Variants in PROKR2 observed in about 807,000 individuals in gnomAD.
PROKR2 encodes prokineticin receptor 2.
Under a neutral mutation model 23.4 loss-of-function variants are expected in PROKR2, and 26 were observed. That is an observed-to-expected ratio of 1.11 (90% confidence interval 0.81 to 1.54). PROKR2 has a LOEUF of 1.54. Among genes scored for constraint, PROKR2 ranks in the 40% most tolerant of loss-of-function variants. The probability of loss-of-function intolerance (pLI) is 0.00; values close to 1 mark genes in which losing one functional copy is unlikely to be tolerated. For missense variants in PROKR2, 453 were observed against 511.5 expected (o/e 0.89, Z 1.10); for synonymous variants, 212 against 201.2 (o/e 1.05, Z -0.45).
chr20:5,309,716 C>A (rs1036913501), intron 2 of PROKR2, among the ~76,000 whole-genome samples: 3 of 152,234 alleles, frequency 2.0e-5, no homozygotes, highest in Admixed American at 1.3e-4. Flanking sequence ...GCCTCCCATA[C>A]TGAATCCAAA....
rs1979541928 is a variant in PROKR2, at chr20:5,313,945, G to A, written c.425C>T (p.Ser142Phe). Residue 142 changes from serine (S) to phenylalanine (F), a missense_variant, in exon 2 of 3, where the codon TCC becomes TTC. Physicochemically the swap from Ser to Phe is radical, Grantham distance 155. Coordinates refer to ENST00000678254, the MANE Select transcript of PROKR2 (RefSeq NM_144773.4). ...NYLRTVSLYV[S>F]TNALLAIAID... ...GGCAATGGCCAGCAAGGCATTGGTG[G>A]AGACGTAGAGGGAGACGGTGCGCAG... The A allele has an allele frequency of 6.2e-7, 1 of 1,614,104 alleles. No homozygotes were observed. Among genetic ancestry groups the A allele is most frequent in the African/African-American group, 1.3e-5 (1 of 74,934 alleles).
In PROKR2 at chr20:5,302,566, T is replaced by G. The variant is rs74315417; in HGVS notation, c.629A>C (p.Gln210Pro). The stretch of plus-strand genomic sequence containing the variant: ...GAGCTGCTGATCCACAGGCCAGATC[T>G]GGCCACAGAAGATCTTCTCCTGGCT... ...VKSQEKIFCG[Q>P]IWPVDQQLYY... Residue 210 changes from glutamine (Q) to proline (P), a missense_variant, in exon 3 of 3, where the codon CAG becomes CCG. Gln to Pro is a moderately conservative substitution (Grantham distance 76). Transcript: ENST00000678254. The G allele has an allele frequency of 6.8e-6, 11 of 1,614,256 alleles. No homozygotes were observed. The highest frequency in any genetic ancestry group is 1.7e-5 in the Admixed American group (1 of 60,032).
At chr20:5,305,469 A>C (rs908551840) in intron 2 of PROKR2, among the ~76,000 whole-genome samples, 1 of 152,244 alleles carries the variant, frequency 6.6e-6, no homozygotes, top group East Asian at 1.9e-4. Context: ...TCAGATTACA[A>C]TAGGGAAATT....
At chr20:5,315,678 C>T (rs1303979995) in intron 1 of PROKR2, 1 of 362,556 alleles carries the variant, frequency 2.8e-6, no homozygotes, top group Non-Finnish European at 5.5e-6. Flanking sequence ...ACACCCTAAC[C>T]TGGGGTGCGC....
In PROKR2 at chr20:5,301,665, GATTGTAATCAAATCAAGTGTTTTTT is replaced by G. The variant is rs1978994641; in HGVS notation, c.*350_*374del. Reference sequence around the variant, plus strand: ...TTTGTTATGTTTTTTATATGTTTTTGATTGTAATCAAATCAAGTGTTTTTTATTACAGTAGGTGAAGAGTAAATGT... The same window carrying G: ...TTTGTTATGTTTTTTATATGTTTTTGATTACAGTAGGTGAAGAGTAAATGT... On this transcript the variant is annotated 3_prime_UTR_variant, in exon 3 of 3. Coordinates refer to ENST00000678254, the MANE Select transcript of PROKR2 (RefSeq NM_144773.4). Among the ~76,000 whole-genome samples, 1 of 152,184 alleles carries G rather than the reference GATTGTAATCAAATCAAGTGTTTTTT, an allele frequency of 6.6e-6. No individual in the cohort carries two copies. The highest frequency in any genetic ancestry group is 2.4e-5 in the African/African-American group (1 of 41,444).
Position 5,316,134 on chromosome 20 carries a change from G to A in PROKR2, c.-9+360C>T, listed in dbSNP as rs1169476069. On this transcript the variant is annotated intron_variant, in intron 1 of 2. Transcript: ENST00000678254. This position sits in a 1 kb window ranked among gnomAD's most constrained non-coding sequence, Gnocchi z 5.0. The stretch of plus-strand genomic sequence containing the variant: ...GGTGGGTGGAGGATGCGGTGCGCGG[G>A]AATTTCCCCACGGACGCTTGCTGTT... 3 of 456,554 alleles carry A rather than the reference G, an allele frequency of 6.6e-6. No homozygotes were observed. Among genetic ancestry groups the A allele is most frequent in the East Asian group, 1.4e-4 (2 of 14,382 alleles). The allele number at this position is 456,554 out of a possible 1,614,324, so 28.3% of individuals were successfully genotyped here.
intron 2 of PROKR2, among the ~76,000 whole-genome samples, chr20:5,310,813 T>G (rs1050617878): frequency 1.2e-4 from 18 of 152,230 alleles, no homozygotes; most frequent in African/African-American, 4.3e-4. Context: ...AGAGTCTGAT[T>G]TGGGAGTAAC....
chr20:5,302,546 G>A lies in PROKR2; in HGVS notation c.649C>T (p.Gln217Ter). The change falls in exon 3 of 3, where the codon CAG becomes TAG. Residue 217 changes from glutamine to a stop codon, truncating the protein, a stop_gained. Transcript: ENST00000678254. LOFTEE classifies it high-confidence loss of function. ...AGGAAGTAGGACTTGTAGTAGAGCT[G>A]CTGATCCACAGGCCAGATCTGGCCA... is the stretch of plus-strand genomic sequence containing the variant. Reference protein sequence around the residue: ...FCGQIWPVDQQLYYKSYFLFI... With the variant: ...FCGQIWPVDQ The A allele has an allele frequency of 1.2e-6, 2 of 1,614,240 alleles. No individual in the cohort carries two copies. The highest frequency in any genetic ancestry group is 1.7e-6 in the Non-Finnish European group (2 of 1,180,038).
chr20:5,316,401 C>A lies in PROKR2; in HGVS notation c.-9+93G>T. 1 of 455,946 alleles carries A rather than the reference C, an allele frequency of 2.2e-6. No homozygotes were observed. The highest frequency in any genetic ancestry group is 1.6e-5 in the South Asian group (1 of 64,510). 28.2% of individuals were successfully genotyped at this position (455,946 alleles called of 1,614,324 possible). A position where few individuals can be genotyped will look rare whatever the true frequency, so the allele number is the denominator to read the frequency against. On this transcript the variant is annotated intron_variant, in intron 1 of 2. Coordinates refer to ENST00000678254, the MANE Select transcript of PROKR2 (RefSeq NM_144773.4). This position sits in a 1 kb window ranked among gnomAD's most constrained non-coding sequence, Gnocchi z 5.0. ...GGCGGGAGGCAAAGCAGCCGGAATGCCCGAGAAAAAAGTGGGCGTCAGAGG... is the reference window on the plus strand; with the variant it reads ...GGCGGGAGGCAAAGCAGCCGGAATGACCGAGAAAAAAGTGGGCGTCAGAGG...
Position 5,302,142 on chromosome 20 carries a change from G to A in PROKR2, c.1053C>T (p.His351=). The A allele has an allele frequency of 6.2e-7, 1 of 1,614,248 alleles. No individual in the cohort carries two copies. Among genetic ancestry groups the A allele is most frequent in the East Asian group, 2.2e-5 (1 of 44,886 alleles). The change falls in exon 3 of 3, where the codon CAC becomes CAT. Residue 351 remains histidine, a synonymous_variant. Coordinates refer to ENST00000678254, the MANE Select transcript of PROKR2 (RefSeq NM_144773.4). ...TGCTCCCCCGCTGGGAGGGACGCCA[G>A]TGCAGCAGCATCATCTTCTTGAAGT... ...MKYFKKMMLL[H]WRPSQRGSKS...
In PROKR2 at chr20:5,302,362, A is replaced by G; in HGVS notation, c.833T>C (p.Met278Thr). The change falls in exon 3 of 3, where the codon ATG becomes ACG. Residue 278 changes from methionine to threonine, a missense_variant. By Grantham distance (81) the Met-to-Thr change is moderately conservative. Coordinates refer to ENST00000678254, the MANE Select transcript of PROKR2 (RefSeq NM_144773.4). ...RCRRKTVLVL[M>T]CILTAYVLCW... is the part of the protein sequence containing the mutation. ...CAGCACATAGGCCGTGAGAATGCACATGAGCACCAGGACCGTCTTCCTGCG... is the reference window on the plus strand; with the variant it reads ...CAGCACATAGGCCGTGAGAATGCACGTGAGCACCAGGACCGTCTTCCTGCG... 1 of 1,614,258 alleles carries G rather than the reference A, an allele frequency of 6.2e-7. No individual in the cohort carries two copies. Among genetic ancestry groups the G allele is most frequent in the Non-Finnish European group, 8.5e-7 (1 of 1,180,044 alleles).
In PROKR2 at chr20:5,301,268, TGTCACTCAGGCTGGA is replaced by T. The variant is rs762918621; in HGVS notation, c.*757_*771del. The stretch of plus-strand genomic sequence containing the variant: ...TTTTTCCTGAGACAGAGTCTCACTC[TGTCACTCAGGCTGGA>T]GTGCAGTGGAGCAATCTCAGCTCAC... On this transcript the variant is annotated 3_prime_UTR_variant, in exon 3 of 3. Transcript: ENST00000678254. Among the ~76,000 whole-genome samples the T allele has an allele frequency of 2.0e-5, 3 of 152,220 alleles. No homozygotes were observed. Among genetic ancestry groups the T allele is most frequent in the Non-Finnish European group, 4.4e-5 (3 of 68,046 alleles).
At chr20:5,310,427 A>T (rs13038789) in intron 2 of PROKR2, among the ~76,000 whole-genome samples, 77,547 of 151,940 alleles carry the variant, frequency 0.51, 20,107 homozygotes, top group African/African-American at 0.61. Context: ...TGTGTTAGGG[A>T]ACACAAGCCT....
chr20:5,313,242 C>T (rs1051559317), intron 2 of PROKR2, among the ~76,000 whole-genome samples: 1 of 152,206 alleles, frequency 6.6e-6, no homozygotes, highest in Non-Finnish European at 1.5e-5. Context: ...GGAAATATCT[C>T]ATGCAAATGT....
chr20:5,310,048 T>C (rs1239202540), intron 2 of PROKR2, among the ~76,000 whole-genome samples: 1 of 152,250 alleles, frequency 6.6e-6, no homozygotes, highest in African/African-American at 2.4e-5. Flanking sequence ...GGGACTCAGT[T>C]TCTTCATCTG....
At chr20:5,309,714 T>C (rs943935627) in intron 2 of PROKR2, among the ~76,000 whole-genome samples, 1 of 152,216 alleles carries the variant, frequency 6.6e-6, no homozygotes, top group African/African-American at 2.4e-5. Flanking sequence ...CTGCCTCCCA[T>C]ACTGAATCCA....
At position 5,302,711 on chromosome 20, in the gene PROKR2, T is replaced by A. The variant is rs757441748; in HGVS notation, c.484A>T (p.Lys162Ter). The change falls in exon 3 of 3, where the codon AAA (lysine) becomes TAA (stop). Residue 162 changes from lysine to a stop codon, truncating the protein, a stop_gained. Coordinates refer to ENST00000678254, the MANE Select transcript of PROKR2 (RefSeq NM_144773.4). LOFTEE classifies it high-confidence loss of function. The part of the protein sequence containing the change: ...DRYLAIVHPL[K>*]PRMNYQTASF... Reference sequence around the variant, plus strand: ...GCCGTTTGATAATTCATCCGTGGTTTCAAGGGGTGAACGATGGCGAGATAT... The same window carrying A: ...GCCGTTTGATAATTCATCCGTGGTTACAAGGGGTGAACGATGGCGAGATAT... 3.5e-5 allele frequency: 57 copies of A among 1,613,914 alleles called. No homozygotes were observed. Among genetic ancestry groups the A allele is most frequent in the Non-Finnish European group, 4.4e-5 (52 of 1,179,900 alleles).
intron 2 of PROKR2, among the ~76,000 whole-genome samples, chr20:5,311,615 T>C (rs1979446046): frequency 6.6e-6 from 1 of 152,216 alleles, no homozygotes; most frequent in Non-Finnish European, 1.5e-5. Flanking sequence ...TGATCCTGGG[T>C]GTGTCTGTGA....
chr20:5,302,705 G>A lies in PROKR2; in HGVS notation c.490C>T (p.Arg164Trp), dbSNP rs1385068308. 13 of 1,613,968 alleles carry A rather than the reference G, an allele frequency of 8.1e-6. No individual in the cohort carries two copies. Among genetic ancestry groups the A allele is most frequent in the South Asian group, 2.2e-5 (2 of 91,080 alleles). The change falls in exon 3 of 3, where the codon CGG becomes TGG. Residue 164 changes from arginine (R) to tryptophan (W), a missense_variant. Arg to Trp is a moderately radical substitution (Grantham distance 101). Coordinates refer to ENST00000678254, the MANE Select transcript of PROKR2 (RefSeq NM_144773.4). ...AAGGAGGCCGTTTGATAATTCATCC[G>A]TGGTTTCAAGGGGTGAACGATGGCG... ...YLAIVHPLKP[R>W]MNYQTASFLI...
Sources: allele counts gnomAD v4.1 joint callset (sites outside exome capture counted in the v4.1 genomes callset), GRCh38; gene constraint gnomAD v4.1.1; non-coding constraint Gnocchi (gnomAD v3.1); transcripts MANE v1.5; gene names NCBI Gene and HGNC (gene_info 2026-07-23, HGNC 2026-07-21).